XRCC6: variants seen among roughly 807,000 people sequenced by gnomAD.
XRCC6 encodes the protein X-ray repair cross complementing 6, also known as DNA repair protein Ku70.
A neutral mutation model predicts 65.7 loss-of-function variants in XRCC6; 5 were observed. The observed-to-expected ratio is 0.08, with a 90% confidence interval of 0.04 to 0.16. XRCC6 has a LOEUF of 0.16. Ranked by LOEUF, XRCC6 falls within the 10% of genes least tolerant of loss-of-function variation. The pLI is 1.00. For missense variants in XRCC6, 447 were observed against 738.1 expected (o/e 0.61, Z 4.57); for synonymous variants, 270 against 270.6 (o/e 1.00, Z 0.02).
At chr22:41,640,457 C>CT (rs1170318122) in intron 6 of XRCC6, among the ~76,000 whole-genome samples, 2 of 152,134 alleles carry the variant, frequency 1.3e-5, no homozygotes, top group Non-Finnish European at 2.9e-5. Flanking sequence ...CCCCAAGTAG[C>CT]TTTTTTTGTA....
intron 11 of XRCC6, 64 bp downstream of exon 11, chr22:41,658,416 C>G: frequency 6.7e-7 from 1 of 1,491,932 alleles, no homozygotes; most frequent in South Asian, 1.1e-5. Context: ...CACTCTGCAC[C>G]AGTAATTTGG....
intron 11 of XRCC6, among the ~76,000 whole-genome samples, chr22:41,659,806 T>A (rs2068083126): frequency 6.6e-6 from 1 of 152,164 alleles, no homozygotes; most frequent in Non-Finnish European, 1.5e-5. Flanking sequence ...TGCCTCAGCC[T>A]TCCGAGTAGC....
At chr22:41,630,447 T>C (rs1051812164) in intron 3 of XRCC6, among the ~76,000 whole-genome samples, 1 of 152,026 alleles carries the variant, frequency 6.6e-6, no homozygotes, top group Non-Finnish European at 1.5e-5. Context: ...ATTGTTCACT[T>C]AGAAAATCTA....
At chr22:41,645,067 G>A (rs1171892838) in intron 6 of XRCC6, among the ~76,000 whole-genome samples, 2 of 151,682 alleles carry the variant, frequency 1.3e-5, no homozygotes, top group Non-Finnish European at 2.9e-5. Context: ...TTGGGAGGCC[G>A]AGGCGGGCGG....
chr22:41,659,465 C>T lies in XRCC6; in HGVS notation c.1522+1113C>T, dbSNP rs571552133. 3.9e-5 allele frequency among the ~76,000 whole-genome samples: 6 copies of T among 152,004 alleles called. No individual in the cohort carries two copies. In the South Asian group the frequency reaches 1.2e-3, roughly 32 times the overall value. On this transcript the variant is annotated intron_variant, in intron 11 of 12. Coordinates refer to ENST00000360079, the MANE Select transcript of XRCC6 (RefSeq NM_001469.5). ...TTGTGATCCGCCCGCCTTGGCCTCC[C>T]AAAGTGCTGGGATTACAAGCAGGAG...
At chr22:41,658,846 G>A (rs1029158289) in intron 11 of XRCC6, among the ~76,000 whole-genome samples, 18 of 152,260 alleles carry the variant, frequency 1.2e-4, no homozygotes, top group African/African-American at 3.6e-4. Flanking sequence ...CAGGAAGATC[G>A]GTTGAACTCA....
At chr22:41,631,682 G>T (rs1052744916) in intron 3 of XRCC6, among the ~76,000 whole-genome samples, 2 of 146,852 alleles carry the variant, frequency 1.4e-5, no homozygotes, top group Non-Finnish European at 3.0e-5. Context: ...CATCCCAGAC[G>T]ATGGGCGGCC....
chr22:41,661,567 C>CA lies in XRCC6; in HGVS notation c.1636+129dup, dbSNP rs916805403. 5 of 795,062 alleles carry CA rather than the reference C, an allele frequency of 6.3e-6. No homozygotes were observed. In the African/African-American group the frequency reaches 8.8e-5, roughly 14 times the overall value. The allele number at this position is 795,062 out of a possible 1,614,324, so 49.3% of individuals were successfully genotyped here. A position where few individuals can be genotyped will look rare whatever the true frequency, so the allele number is the denominator to read the frequency against. On this transcript the variant is annotated intron_variant, in intron 12 of 12. Coordinates refer to ENST00000360079, the MANE Select transcript of XRCC6 (RefSeq NM_001469.5). ...CAGTCTAGTTAAAATGGCTTTTATC[C>CA]AAAAAACAGACAATAACAAATGCTG... is the stretch of plus-strand genomic sequence containing the variant.
chr22:41,662,199 ATAAC>A (rs2068106173), intron 12 of XRCC6, among the ~76,000 whole-genome samples: 1 of 152,206 alleles, frequency 6.6e-6, no homozygotes, highest in African/African-American at 2.4e-5. Flanking sequence ...ACATTTAAAA[ATAAC>A]TAAAGGAATA....
At chr22:41,662,264 C>T (rs1367293405) in intron 12 of XRCC6, among the ~76,000 whole-genome samples, 3 of 151,940 alleles carry the variant, frequency 2.0e-5, no homozygotes, top group African/African-American at 4.8e-5. Flanking sequence ...GGATGGATAC[C>T]CCATTTATGC....
At chr22:41,645,321 A>G (rs55814544) in intron 6 of XRCC6, among the ~76,000 whole-genome samples, 1,804 of 149,966 alleles carry the variant, frequency 0.012, 34 homozygotes, top group African/African-American at 0.043. Context: ...AACAAAAAAC[A>G]AAAAAAAACA....
In XRCC6 at chr22:41,656,980, G is replaced by A; in HGVS notation, c.1369G>A (p.Glu457Lys). 6.2e-7 allele frequency: 1 copy of A among 1,608,982 alleles called. No homozygotes were observed. Among genetic ancestry groups the A allele is most frequent in the South Asian group, 1.1e-5 (1 of 89,972 alleles). The change falls in exon 10 of 13, where the codon GAG becomes AAG. Residue 457 changes from glutamate to lysine, a missense_variant. Transcript: ENST00000360079. ...TACTGAAAAAATCATGGCAACTCCA[G>A]AGCAGGTGGGCAAGATGAAGGCTAT... Reference protein sequence around the residue: ...PFTEKIMATPEQVGKMKAIVE... With the variant: ...PFTEKIMATPKQVGKMKAIVE...
intron 7 of XRCC6, among the ~76,000 whole-genome samples, chr22:41,647,645 C>A (rs2067947611): frequency 6.6e-6 from 1 of 151,600 alleles, no homozygotes; most frequent in South Asian, 2.1e-4. Context: ...AACTCCTGGT[C>A]TTAAGTAATC....
intron 7 of XRCC6, among the ~76,000 whole-genome samples, chr22:41,648,991 A>G (rs2067963325): frequency 2.0e-5 from 1 of 50,902 alleles, no homozygotes; most frequent in South Asian, 4.3e-4. Context: ...TGGCTCATGC[A>G]CTTTTGGAGG....
intron 8 of XRCC6, 59 bp downstream of exon 8, chr22:41,650,950 CGCTTTGTAAATGGGCACT>C: frequency 6.3e-7 from 1 of 1,590,172 alleles, no homozygotes; most frequent in Admixed American, 1.7e-5. Flanking sequence ...TACGGAGCAG[CGCTTTGTAAATGGGCACT>C]GCTTGGACAC....
chr22:41,646,799 G>C, intron 6 of XRCC6, 97 bp from the exon 7 acceptor site: 1 of 1,037,386 alleles, frequency 9.6e-7, no homozygotes, highest in Non-Finnish European at 1.4e-6. Context: ...AGGATTATTG[G>C]AGAGAATAAA....
intron 6 of XRCC6, among the ~76,000 whole-genome samples, chr22:41,639,324 T>TTTTTC (rs2067847065): frequency 8.8e-6 from 1 of 113,574 alleles, no homozygotes. Flanking sequence ...TGCTAGATTC[T>TTTTTC]TTTTCTTTTT....
chr22:41,652,841 T>G (rs920831655), intron 8 of XRCC6, among the ~76,000 whole-genome samples: 1 of 151,974 alleles, frequency 6.6e-6, no homozygotes, highest in Admixed American at 6.6e-5. Context: ...GCCCAGCTAA[T>G]TTTTGTATTT....
intron 2 of XRCC6, 56 bp downstream of exon 2, chr22:41,622,142 C>A: frequency 6.4e-7 from 1 of 1,566,068 alleles, no homozygotes; most frequent in Non-Finnish European, 8.8e-7. Flanking sequence ...ACCTTCCCTG[C>A]CTATCTCTGC....
Sources: gnomAD v4.1 joint callset for allele counts (sites outside exome capture counted in the v4.1 genomes callset) on GRCh38, gnomAD v4.1.1 for gene constraint, MANE v1.5 for transcripts, NCBI Gene and HGNC (gene_info 2026-07-23, HGNC 2026-07-21) for gene names.